The following ASTN2 variants were observed in gnomAD, a reference collection of about 807,000 sequenced individuals.
ASTN2 encodes astrotactin 2, also known as astrotactin-2.
In ASTN2, 54 loss-of-function variants were observed where a neutral mutation model predicts 139.8. That is an observed-to-expected ratio of 0.39 (90% CI 0.31 to 0.48). The LOEUF (loss-of-function observed/expected upper bound fraction) is 0.48, where lower values mean the gene tolerates loss of function less well. Among genes scored for constraint, ASTN2 ranks in the 20% least tolerant of loss-of-function variants. The pLI is 0.95. For synonymous variants in ASTN2, 756 were observed against 719.5 expected, an observed-to-expected ratio of 1.05 and a Z score of -0.81; for missense variants, 1,565 against 1,725.1, an observed-to-expected ratio of 0.91 and a Z score of 1.64.
At chr9:116,763,280 A>G (rs1429508176) in intron 13 of ASTN2, among the ~76,000 whole-genome samples, 1 of 152,192 alleles carries the variant, frequency 6.6e-6, no homozygotes, top group Non-Finnish European at 1.5e-5. Flanking sequence ...AGGGGTAGCC[A>G]CTTCATTCTA....
At chr9:116,808,301 GTGTGTGTT>G (rs1447517153) in intron 12 of ASTN2, among the ~76,000 whole-genome samples, 1 of 151,264 alleles carries the variant, frequency 6.6e-6, no homozygotes, top group African/African-American at 2.5e-5. Context: ...GTGTGTGTGT[GTGTGTGTT>G]TGTGTTTGTG....
intron 1 of ASTN2, among the ~76,000 whole-genome samples, chr9:117,377,710 A>G (rs551115032): frequency 5.8e-4 from 31 of 53,666 alleles, no homozygotes; most frequent in Non-Finnish European, 1.1e-3. Context: ...AATAACATAA[A>G]TGTCCATCAA....
At chr9:116,571,988 G>T (rs1295694572) in intron 19 of ASTN2, among the ~76,000 whole-genome samples, 1 of 152,092 alleles carries the variant, frequency 6.6e-6, no homozygotes, top group Non-Finnish European at 1.5e-5. Context: ...GTATGGGATG[G>T]ATTGCATTCA....
At position 116,993,595 on chromosome 9, in the gene ASTN2, A is replaced by C. The variant is rs538882061; in HGVS notation, c.1591+14497T>G. On this transcript the variant is annotated intron_variant, in intron 7 of 22. Transcript: ENST00000313400. ...ACTATAGATACTATATATAGGAATA[A>C]AGTACATAAGTTACTATATACAGTA... Among the ~76,000 whole-genome samples the C allele has an allele frequency of 1.3e-3, 201 of 149,594 alleles. 1 individual carries two copies. The highest frequency in any genetic ancestry group is 6.1e-3 in the South Asian group (29 of 4,780).
chr9:117,241,484 G>T (rs1443784334), intron 2 of ASTN2, among the ~76,000 whole-genome samples: 2 of 152,090 alleles, frequency 1.3e-5, no homozygotes, highest in African/African-American at 4.8e-5. Flanking sequence ...TGGACTTATG[G>T]GGGGCCTGTG....
At chr9:116,709,596 A>T (rs1237145334) in intron 16 of ASTN2, among the ~76,000 whole-genome samples, 2 of 152,170 alleles carry the variant, frequency 1.3e-5, no homozygotes, top group Non-Finnish European at 2.9e-5. Flanking sequence ...AGCAGCAAAA[A>T]CAGTTTTCTA....
intron 13 of ASTN2, among the ~76,000 whole-genome samples, chr9:116,761,036 C>T (rs1008782144): frequency 6.6e-6 from 1 of 152,172 alleles, no homozygotes; most frequent in Non-Finnish European, 1.5e-5. Flanking sequence ...CTCTGGCTGG[C>T]GCCTCCCATG....
chr9:117,273,696 C>A (rs1017009408), intron 2 of ASTN2, among the ~76,000 whole-genome samples: 1 of 152,184 alleles, frequency 6.6e-6, no homozygotes, highest in Non-Finnish European at 1.5e-5. Context: ...AATATATACC[C>A]TTTCACATGG....
At chr9:116,487,521 A>T (rs1450557628) in intron 19 of ASTN2, 21 bp from the exon 20 acceptor site, 2 of 1,611,528 alleles carry the variant, frequency 1.2e-6, no homozygotes, top group African/African-American at 1.3e-5. Flanking sequence ...AAAAAGAAAG[A>T]TGAGCTCCCC....
At chr9:117,018,962 G>C (rs537933945) in intron 6 of ASTN2, among the ~76,000 whole-genome samples, 27 of 152,226 alleles carry the variant, frequency 1.8e-4, no homozygotes, top group African/African-American at 6.0e-4. Flanking sequence ...TTCAAAATTA[G>C]AATGCAGGCT....
intron 5 of ASTN2, among the ~76,000 whole-genome samples, chr9:117,045,097 T>TAGAAAGTGTGGC (rs1838693018): frequency 6.6e-6 from 1 of 152,080 alleles, no homozygotes; most frequent in African/African-American, 2.4e-5. Context: ...GTCAGGCATA[T>TAGAAAGTGTGGC]CTATGTTCAA....
At chr9:117,155,043 G>A (rs925708295) in intron 3 of ASTN2, among the ~76,000 whole-genome samples, 34 of 151,976 alleles carry the variant, frequency 2.2e-4, no homozygotes, top group African/African-American at 8.0e-4. Flanking sequence ...CAAAAGAAGA[G>A]TGTGGAGGGA....
At chr9:116,875,385 G>A (rs978363320) in intron 10 of ASTN2, among the ~76,000 whole-genome samples, 1 of 152,214 alleles carries the variant, frequency 6.6e-6, no homozygotes, top group Non-Finnish European at 1.5e-5. Flanking sequence ...ATTCTATGAA[G>A]GCTGAGAGAG....
intron 13 of ASTN2, among the ~76,000 whole-genome samples, chr9:116,801,840 G>GT (rs1340679968): frequency 6.6e-6 from 1 of 151,946 alleles, no homozygotes; most frequent in Non-Finnish European, 1.5e-5. Flanking sequence ...AGTCTTGGGA[G>GT]TTTTCTAAAT....
intron 5 of ASTN2, among the ~76,000 whole-genome samples, chr9:117,081,960 C>A (rs547240774): frequency 8.5e-5 from 13 of 152,328 alleles, no homozygotes; most frequent in African/African-American, 3.1e-4. Context: ...CAGCCTCTTA[C>A]ATGATCTTGA....
intron 2 of ASTN2, among the ~76,000 whole-genome samples, chr9:117,290,492 G>A (rs1450897604): frequency 6.6e-6 from 1 of 152,188 alleles, no homozygotes; most frequent in Non-Finnish European, 1.5e-5. Flanking sequence ...TCTGTATCAT[G>A]GGGCCAACAG....
At chr9:116,561,793 A>G (rs912035751) in intron 19 of ASTN2, among the ~76,000 whole-genome samples, 1 of 152,186 alleles carries the variant, frequency 6.6e-6, no homozygotes, top group African/African-American at 2.4e-5. Flanking sequence ...AGACTATTTG[A>G]GAAGGTAGCT....
At chr9:116,461,101 C>A (rs1242986489) in intron 20 of ASTN2, among the ~76,000 whole-genome samples, 1 of 152,028 alleles carries the variant, frequency 6.6e-6, no homozygotes, top group African/African-American at 2.4e-5. Context: ...CCCTCACCTC[C>A]TTTTCCATGA....
chr9:116,839,929 G>A (rs1352723661), intron 11 of ASTN2, among the ~76,000 whole-genome samples: 1 of 145,366 alleles, frequency 6.9e-6, no homozygotes, highest in Non-Finnish European at 1.5e-5. Flanking sequence ...CGCAGAGGGG[G>A]ATTTGGCAGG....
Sources: allele counts gnomAD v4.1 joint callset (sites outside exome capture counted in the v4.1 genomes callset), GRCh38; gene constraint gnomAD v4.1.1; transcripts MANE v1.5; gene names NCBI Gene and HGNC (gene_info 2026-07-23, HGNC 2026-07-21).